The following MACROD1 variants were observed in gnomAD, a reference collection of about 807,000 sequenced individuals.
MACROD1 encodes ADP-ribose glycohydrolase MACROD1.
Under a neutral mutation model 41.4 loss-of-function variants are expected in MACROD1, and 31 were observed. That is an observed-to-expected ratio of 0.75 (90% CI 0.56 to 1.01). The LOEUF is 1.01. Ranked by LOEUF, MACROD1 falls within the 50% of genes least tolerant of loss-of-function variation. The pLI, the probability that MACROD1 is intolerant of heterozygous loss-of-function variation, is 0.00. For missense variants in MACROD1, 473 were observed against 460.0 expected, an observed-to-expected ratio of 1.03 and a Z score of -0.26; for synonymous variants, 252 against 203.4, an observed-to-expected ratio of 1.24 and a Z score of -2.03.
At chr11:64,092,026 G>GCTCC (rs1944499937) in intron 3 of MACROD1, among the ~76,000 whole-genome samples, 1 of 152,202 alleles carries the variant, frequency 6.6e-6, no homozygotes, top group Middle Eastern at 3.2e-3. Flanking sequence ...CGTGATCTCA[G>GCTCC]CTCCTGAGGG....
At chr11:64,095,143 AG>A (rs1484569043) in intron 3 of MACROD1, among the ~76,000 whole-genome samples, 1 of 152,236 alleles carries the variant, frequency 6.6e-6, no homozygotes, top group African/African-American at 2.4e-5. Context: ...AAGATGGGGA[AG>A]GAACGACATT....
chr11:64,087,342 A>C (rs887390163), intron 3 of MACROD1, among the ~76,000 whole-genome samples: 2 of 151,540 alleles, frequency 1.3e-5, no homozygotes, highest in African/African-American at 2.4e-5. Flanking sequence ...CCTCACCCCA[A>C]CCCTGCCACC....
intron 3 of MACROD1, among the ~76,000 whole-genome samples, chr11:64,114,432 AATGGATGGATGG>A (rs141357642): frequency 8.9e-6 from 1 of 112,222 alleles, no homozygotes; most frequent in African/African-American, 3.0e-5. Context: ...GGGATGGTTG[AATGGATGGATGG>A]ATGGATGAAT....
intron 3 of MACROD1, among the ~76,000 whole-genome samples, chr11:64,121,407 A>T (rs991390649): frequency 6.6e-6 from 1 of 152,176 alleles, no homozygotes; most frequent in Non-Finnish European, 1.5e-5. Context: ...GGGCCCTGGG[A>T]CCCAGCTCTA....
At chr11:64,065,698 G>A (rs1006813744) in intron 3 of MACROD1, among the ~76,000 whole-genome samples, 1 of 151,490 alleles carries the variant, frequency 6.6e-6, no homozygotes, top group Non-Finnish European at 1.5e-5. Flanking sequence ...GCTGAGGCAG[G>A]AGAACGGTGT....
At chr11:64,087,661 T>C (rs761110642) in intron 3 of MACROD1, among the ~76,000 whole-genome samples, 1 of 152,234 alleles carries the variant, frequency 6.6e-6, no homozygotes, top group Non-Finnish European at 1.5e-5. Context: ...CCACGGGTCC[T>C]TGTCCTCATA....
intron 3 of MACROD1, among the ~76,000 whole-genome samples, chr11:64,123,137 C>T (rs928973630): frequency 2.0e-5 from 3 of 152,280 alleles, no homozygotes; most frequent in Middle Eastern, 3.4e-3. Context: ...AGGGGCCGGG[C>T]GCAGGGACCT....
chr11:64,098,963 TTAA>T (rs1333645550), intron 3 of MACROD1, among the ~76,000 whole-genome samples: 1 of 152,174 alleles, frequency 6.6e-6, no homozygotes, highest in Non-Finnish European at 1.5e-5. Context: ...AATATAGGAA[TTAA>T]TATCAGAGAG....
intron 3 of MACROD1, among the ~76,000 whole-genome samples, chr11:64,110,735 T>C (rs1944847158): frequency 6.6e-6 from 1 of 152,052 alleles, no homozygotes; most frequent in African/African-American, 2.4e-5. Flanking sequence ...GTCTGAGGGA[T>C]CCACGCAAGG....
rs912557770 is a variant in MACROD1, at chr11:64,122,740, C to T, written c.517+28499G>A. Among the ~76,000 whole-genome samples, 10 of 152,188 alleles carry T rather than the reference C, an allele frequency of 6.6e-5. No homozygotes were observed. Among genetic ancestry groups the T allele is most frequent in the African/African-American group, 2.2e-4 (9 of 41,432 alleles). ...TCCAGAGGCCAAGTGGGGGCCCTTC[C>T]CCGCTGCTGGTGCTGAAAGGTTCTA... On this transcript the variant is annotated intron_variant, in intron 3 of 10. Coordinates refer to ENST00000255681, the MANE Select transcript of MACROD1 (RefSeq NM_014067.4). This position sits in a 1 kb window ranked among gnomAD's most constrained non-coding sequence, Gnocchi z 4.0.
At chr11:64,039,578 C>CG (rs1302478746) in intron 3 of MACROD1, among the ~76,000 whole-genome samples, 11 of 152,130 alleles carry the variant, frequency 7.2e-5, no homozygotes, top group Non-Finnish European at 1.3e-4. Flanking sequence ...CGGGAGGAGA[C>CG]GGGAAAAGGA....
intron 3 of MACROD1, among the ~76,000 whole-genome samples, chr11:64,030,298 TGGGACAGCTCC>T (rs1943277512): frequency 6.6e-6 from 1 of 152,184 alleles, no homozygotes; most frequent in African/African-American, 2.4e-5. Flanking sequence ...TGGTTGGCCT[TGGGACAGCTCC>T]GTCATTGTTG....
At chr11:64,139,286 C>T (rs553535309) in intron 3 of MACROD1, among the ~76,000 whole-genome samples, 152 of 152,274 alleles carry the variant, frequency 1.0e-3, no homozygotes, top group African/African-American at 3.4e-3. Flanking sequence ...ACACCCGGCG[C>T]GGATATAAAC....
chr11:64,015,181 GGCAGGGGAGGA>G, intron 4 of MACROD1, 60 bp downstream of exon 4: 1 of 1,464,364 alleles, frequency 6.8e-7, no homozygotes, highest in Non-Finnish European at 9.2e-7. Flanking sequence ...GAGGGCGAGG[GGCAGGGGAGGA>G]GCAGACCCAG....
intron 3 of MACROD1, among the ~76,000 whole-genome samples, chr11:64,095,837 C>A (rs1252274533): frequency 6.6e-6 from 1 of 152,172 alleles, no homozygotes; most frequent in African/African-American, 2.4e-5. Context: ...GGGTTGAGAC[C>A]TGAATGGAGG....
Position 64,133,072 on chromosome 11 carries a change from C to A in MACROD1, c.517+18167G>T, listed in dbSNP as rs1031620411. ...ACACCCATGAGCCCCAGCCAGAGCG[C>A]CCTGTGGGGAACTAGACCTCCCCAG... On this transcript the variant is annotated intron_variant, in intron 3 of 10. Coordinates refer to ENST00000255681, the MANE Select transcript of MACROD1 (RefSeq NM_014067.4). Among the ~76,000 whole-genome samples, 3 of 152,142 alleles carry A rather than the reference C, an allele frequency of 2.0e-5. No homozygotes were observed. In the East Asian group the frequency reaches 5.8e-4, roughly 29 times the overall value.
At chr11:64,012,390 C>T (rs1274517250) in intron 4 of MACROD1, among the ~76,000 whole-genome samples, 1 of 147,658 alleles carries the variant, frequency 6.8e-6, no homozygotes, top group East Asian at 1.9e-4. Flanking sequence ...ACCTGTAGTT[C>T]ATTCATTCAA....
chr11:64,008,300 C>A (rs768153725), intron 4 of MACROD1, among the ~76,000 whole-genome samples: 1 of 147,680 alleles, frequency 6.8e-6, no homozygotes, highest in Non-Finnish European at 1.5e-5. Flanking sequence ...TGGGGGAGAG[C>A]GCTCGGCTGG....
At chr11:64,033,704 A>G (rs2134368435) in intron 3 of MACROD1, among the ~76,000 whole-genome samples, 1 of 151,480 alleles carries the variant, frequency 6.6e-6, no homozygotes, top group Admixed American at 6.6e-5. Flanking sequence ...AGCCAGGCGT[A>G]GTGGTGCATT....
Sources: gnomAD v4.1 joint callset for allele counts (sites outside exome capture counted in the v4.1 genomes callset) on GRCh38, gnomAD v4.1.1 for gene constraint, Gnocchi (gnomAD v3.1) non-coding constraint, MANE v1.5 for transcripts, NCBI Gene and HGNC (gene_info 2026-07-23, HGNC 2026-07-21) for gene names.